The following CCT7 variants were observed in gnomAD, a reference collection of about 807,000 sequenced individuals.
The protein encoded by CCT7 is chaperonin containing TCP1 subunit 7, also known as T-complex protein 1 subunit eta.
A neutral mutation model predicts 56.6 loss-of-function variants in CCT7; 16 were observed. The observed-to-expected ratio is 0.28, with a 90% CI of 0.19 to 0.43. CCT7 has a LOEUF of 0.43. CCT7 is among the 20% of genes least tolerant of loss of function. The pLI is 1.00. For missense variants in CCT7, 519 were observed against 685.6 expected (o/e 0.76, Z 2.71); for synonymous variants, 262 against 254.8 (o/e 1.03, Z -0.27).
In CCT7 at chr2:73,249,065, C is replaced by T. The variant is rs1453661301; in HGVS notation, c.858C>T (p.Ala286=). 1 of 1,614,042 alleles carries T rather than the reference C, an allele frequency of 6.2e-7. No homozygotes were observed. Among genetic ancestry groups the T allele is most frequent in the East Asian group, 2.2e-5 (1 of 44,894 alleles). The stretch of plus-strand genomic sequence containing the variant: ...TAGAGAAGATCCATCATTCTGGAGC[C>T]AAAGTTGTCTTGTCCAAACTCCCCA... ...DKLEKIHHSG[A]KVVLSKLPIG... The change falls in exon 8 of 12, where the codon GCC becomes GCT. Residue 286 remains alanine, a synonymous_variant. Coordinates refer to ENST00000258091, the MANE Select transcript of CCT7 (RefSeq NM_006429.4).
chr2:73,244,731 C>T lies in CCT7; in HGVS notation c.618+16C>T, dbSNP rs1173938986. Reference sequence around the variant, plus strand: ...AGCCCTCGAGGTAAGCCTGCTGTGGCCTTCCTAGACAGCTCTTGCTTTCAT... The same window carrying T: ...AGCCCTCGAGGTAAGCCTGCTGTGGTCTTCCTAGACAGCTCTTGCTTTCAT... On this transcript the variant is annotated intron_variant, in intron 6 of 11. Transcript: ENST00000258091. The T allele has an allele frequency of 3.1e-6, 5 of 1,589,506 alleles. No homozygotes were observed. The highest frequency in any genetic ancestry group is 4.3e-6 in the Non-Finnish European group (5 of 1,163,824).
In CCT7 at chr2:73,252,712, C is replaced by T. The variant is rs1458489020; in HGVS notation, c.1483C>T (p.Pro495Ser). Residue 495 changes from proline (P) to serine (S), a missense_variant, in exon 12 of 12, where the codon CCA becomes TCA. By Grantham distance (74) the Pro-to-Ser change is moderately conservative. Coordinates refer to ENST00000258091, the MANE Select transcript of CCT7 (RefSeq NM_006429.4). ...CAACTTTGAAGCTTTCGTGTGGGAGCCAGCTATGGTGCGGATCAATGCGCT... is the reference window on the plus strand; with the variant it reads ...CAACTTTGAAGCTTTCGTGTGGGAGTCAGCTATGGTGCGGATCAATGCGCT... Reference protein sequence around the residue: ...ADNFEAFVWEPAMVRINALTA... With the variant: ...ADNFEAFVWESAMVRINALTA... 1.9e-6 allele frequency: 3 copies of T among 1,614,028 alleles called. No homozygotes were observed. In the East Asian group the frequency reaches 6.7e-5, roughly 36 times the overall value.
At chr2:73,239,393 TTTAGA>T in intron 1 of CCT7, 1 of 410,238 alleles carries the variant, frequency 2.4e-6, no homozygotes, top group Middle Eastern at 6.9e-4. Flanking sequence ...GATTTTTTCT[TTTAGA>T]TTAGGTCAGT....
intron 7 of CCT7, among the ~76,000 whole-genome samples, chr2:73,248,707 C>T (rs1390117601): frequency 6.6e-6 from 1 of 152,098 alleles, no homozygotes; most frequent in Non-Finnish European, 1.5e-5. Flanking sequence ...AGAGTCTAGA[C>T]CTCAGCCAGT....
intron 8 of CCT7, 67 bp downstream of exon 8, chr2:73,249,246 T>A: frequency 7.9e-7 from 1 of 1,269,452 alleles, no homozygotes; most frequent in South Asian, 1.5e-5. Flanking sequence ...TGACCCCTGG[T>A]ATAACAGAGT....
In CCT7 at chr2:73,243,080, G is replaced by T. The variant is rs772207333; in HGVS notation, c.344G>T (p.Gly115Val). 1.6e-4 allele frequency: 257 copies of T among 1,613,892 alleles called. No homozygotes were observed. Among genetic ancestry groups the T allele is most frequent in the Non-Finnish European group, 2.1e-4 (249 of 1,179,898 alleles). The part of the protein sequence containing the change: ...LKQVKPYVEE[G>V]LHPQIIIRAF... ...CAGGTGAAACCCTATGTGGAGGAAG[G>T]TTTACACCCCCAGATCATCATTCGA... Residue 115 changes from glycine to valine, a missense_variant, in exon 4 of 12, where the codon GGT becomes GTT. This residue lies in a region of CCT7 where 276 missense variants were observed against 357.3 expected (regional missense o/e 0.77). Coordinates refer to ENST00000258091, the MANE Select transcript of CCT7 (RefSeq NM_006429.4).
chr2:73,249,260 C>G, intron 8 of CCT7, 81 bp downstream of exon 8: 1 of 1,118,042 alleles, frequency 8.9e-7, no homozygotes, highest in Non-Finnish European at 1.3e-6. Context: ...ACAGAGTGTA[C>G]TGTCAGGTTG....
chr2:73,250,416 T>A lies in CCT7; in HGVS notation c.1181T>A (p.Met394Lys). Residue 394 changes from methionine (M) to lysine (K), a missense_variant, in exon 10 of 12, where the codon ATG becomes AAG. Around this residue, in one of 3 missense-constraint regions of CCT7, gnomAD observed 237 missense variants for 300.8 expected, o/e 0.79. Transcript: ENST00000258091. ...ETERSLHDAI[M>K]IVRRAIKNDS... ...GAGCGGTCCCTGCATGATGCCATCA[T>A]GATCGTCAGGAGGGCCATCAAGGTA... 1.2e-6 allele frequency: 2 copies of A among 1,614,126 alleles called. No homozygotes were observed. The highest frequency in any genetic ancestry group is 3.3e-4 in the Middle Eastern group (2 of 6,028).
At position 73,250,332 on chromosome 2, in the gene CCT7, A is replaced by G. The variant is rs1687522858; in HGVS notation, c.1097A>G (p.Lys366Arg). The change falls in exon 10 of 12, where the codon AAG becomes AGG. Residue 366 changes from lysine to arginine, a missense_variant. Physicochemically the swap from Lys to Arg is conservative, Grantham distance 26. Around this residue, in one of 3 missense-constraint regions of CCT7, gnomAD observed 237 missense variants for 300.8 expected, o/e 0.79. Transcript: ENST00000258091. ...ERYNFFTGCPKAKTCTFILRG... is the reference protein window; with the variant it reads ...ERYNFFTGCPRAKTCTFILRG... Reference sequence around the variant, plus strand: ...TACAATTTTTTTACTGGCTGCCCCAAGGCCAAGACATGCACCTTCATTCTC... The same window carrying G: ...TACAATTTTTTTACTGGCTGCCCCAGGGCCAAGACATGCACCTTCATTCTC... 19 of 1,614,076 alleles carry G rather than the reference A, an allele frequency of 1.2e-5. No individual in the cohort carries two copies. In the East Asian group the frequency reaches 4.2e-4, roughly 36 times the overall value.
intron 3 of CCT7, among the ~76,000 whole-genome samples, chr2:73,241,566 T>C (rs1364050018): frequency 2.0e-5 from 3 of 152,008 alleles, no homozygotes; most frequent in Admixed American, 6.6e-5. Context: ...GCCTGGGCAA[T>C]ACAGCACGAC....
intron 1 of CCT7, chr2:73,235,473 C>T (rs1339854177): frequency 1.2e-6 from 1 of 821,742 alleles, no homozygotes; most frequent in African/African-American, 1.9e-5. Context: ...TACCAAATGC[C>T]CTATGAATCC....
intron 7 of CCT7, 105 bp downstream of exon 7, chr2:73,248,031 C>T (rs556892501): frequency 6.1e-6 from 6 of 979,338 alleles, no homozygotes; most frequent in Non-Finnish European, 6.2e-6. Context: ...TCCTGCCCCC[C>T]TGAATATTGA....
intron 6 of CCT7, among the ~76,000 whole-genome samples, chr2:73,245,279 TTATA>T (rs1490820646): frequency 4.6e-5 from 7 of 152,254 alleles, no homozygotes; most frequent in African/African-American, 1.7e-4. Flanking sequence ...AAAAGATTGC[TTATA>T]TAGTGTTCTG....
Position 73,249,084 on chromosome 2 carries a change from C to G in CCT7, c.877C>G (p.Leu293Val), listed in dbSNP as rs768960644. ...TGGAGCCAAAGTTGTCTTGTCCAAACTCCCCATTGGGGATGTGGCCACCCA... is the reference window on the plus strand; with the variant it reads ...TGGAGCCAAAGTTGTCTTGTCCAAAGTCCCCATTGGGGATGTGGCCACCCA... ...HSGAKVVLSK[L>V]PIGDVATQYF... Residue 293 changes from leucine to valine, a missense_variant, in exon 8 of 12, where the codon CTC becomes GTC. By Grantham distance (32) the Leu-to-Val change is conservative (BLOSUM62 1). Around this residue, in one of 3 missense-constraint regions of CCT7, gnomAD observed 276 missense variants for 357.3 expected, o/e 0.77. Transcript: ENST00000258091. 3.7e-6 allele frequency: 6 copies of G among 1,614,010 alleles called. No individual in the cohort carries two copies. In the East Asian group the frequency reaches 1.3e-4, roughly 36 times the overall value.
At position 73,243,392 on chromosome 2, in the gene CCT7, T is replaced by C. The variant is rs72905362; in HGVS notation, c.393+263T>C. Among the ~76,000 whole-genome samples the C allele has an allele frequency of 8.1e-3, 1,226 of 152,272 alleles. 24 individuals are homozygous for C. Among genetic ancestry groups the C allele is most frequent in the African/African-American group, 0.028 (1,148 of 41,538 alleles). The stretch of plus-strand genomic sequence containing the variant: ...CTTTTAGTAAGGACTAAGAGACTCA[T>C]GGCATACTACTACTACATGCTATAC... On this transcript the variant is annotated intron_variant, in intron 4 of 11. Transcript: ENST00000258091.
chr2:73,250,283 G>A, intron 9 of CCT7, 23 bp from the exon 10 acceptor site: 1 of 1,613,934 alleles, frequency 6.2e-7, no homozygotes, highest in South Asian at 1.1e-5. Flanking sequence ...GTTCATGTGT[G>A]TACTGTTTAA....
At chr2:73,249,253 G>A in intron 8 of CCT7, 74 bp downstream of exon 8, 3 of 1,192,108 alleles carry the variant, frequency 2.5e-6, no homozygotes, top group Non-Finnish European at 3.5e-6. Context: ...TGGTATAACA[G>A]AGTGTACTGT....
At position 73,251,341 on chromosome 2, in the gene CCT7, A is replaced by G; in HGVS notation, c.1319A>G (p.Lys440Arg). The change falls in exon 11 of 12, where the codon AAG (lysine) becomes AGG (arginine). Residue 440 changes from lysine (K) to arginine (R), a missense_variant. Coordinates refer to ENST00000258091, the MANE Select transcript of CCT7 (RefSeq NM_006429.4). ...KQQLLIGAYA[K>R]ALEIIPRQLC... ...CAGCTGTTGATTGGGGCATATGCCAAGGCCTTGGAGATTATCCCACGCCAG... is the reference window on the plus strand; with the variant it reads ...CAGCTGTTGATTGGGGCATATGCCAGGGCCTTGGAGATTATCCCACGCCAG... 3.1e-6 allele frequency: 5 copies of G among 1,614,154 alleles called. No individual in the cohort carries two copies. Among genetic ancestry groups the G allele is most frequent in the Non-Finnish European group, 4.2e-6 (5 of 1,179,994 alleles).
intron 11 of CCT7, 29 bp downstream of exon 11, chr2:73,251,461 G>A: frequency 7.4e-7 from 1 of 1,360,244 alleles, no homozygotes; most frequent in Non-Finnish European, 1.0e-6. Flanking sequence ...CAGGGTTCAG[G>A]GTTTGGGCGG....
Sources: allele counts gnomAD v4.1 joint callset (sites outside exome capture counted in the v4.1 genomes callset), GRCh38; gene constraint gnomAD v4.1.1; regional missense constraint gnomAD v4.1.1; transcripts MANE v1.5; gene names NCBI Gene and HGNC (gene_info 2026-07-23, HGNC 2026-07-21).